The following PPP2R3A variants were observed in gnomAD, a reference collection of about 807,000 sequenced individuals.
PPP2R3A encodes the protein serine/threonine-protein phosphatase 2A regulatory subunit B'' subunit alpha.
A neutral mutation model predicts 106.9 loss-of-function variants in PPP2R3A; 80 were observed. The ratio of observed to expected loss-of-function variants is 0.75; its 90% CI spans 0.62 to 0.90. The LOEUF (loss-of-function observed/expected upper bound fraction) is 0.90. PPP2R3A is among the 40% of genes least tolerant of loss of function. The pLI, the probability that PPP2R3A is intolerant of heterozygous loss-of-function variation, is 0.00. For missense variants in PPP2R3A, 1,386 were observed against 1,350.4 expected, an observed-to-expected ratio of 1.03 and a Z score of -0.41; for synonymous variants, 483 against 468.3, an observed-to-expected ratio of 1.03 and a Z score of -0.41.
At chr3:136,022,291 T>TCATTATTTA in intron 2 of PPP2R3A, among the ~76,000 whole-genome samples, 1 of 152,134 alleles carries the variant, frequency 6.6e-6, no homozygotes, top group African/African-American at 2.4e-5. Context: ...AGAACAAATT[T>TCATTATTTA]TCAAATATGT....
chr3:135,990,879 G>T (rs1005358883), intron 1 of PPP2R3A, among the ~76,000 whole-genome samples: 1 of 151,746 alleles, frequency 6.6e-6, no homozygotes, highest in Admixed American at 6.6e-5. Context: ...GTCTCCTCTC[G>T]CAGCCACAAT....
rs1937514541 is a variant in PPP2R3A, at chr3:136,106,267, G to GA, written c.3275dup (p.Glu1093GlyfsTer3). 6.2e-7 allele frequency: 1 copy of GA among 1,612,786 alleles called. No homozygotes were observed. Among genetic ancestry groups the GA allele is most frequent in the South Asian group, 1.1e-5 (1 of 90,596 alleles). On this transcript the variant is annotated frameshift_variant, in exon 13 of 14. Transcript: ENST00000264977. LOFTEE classifies it high-confidence loss of function. ...CTCAGACTGGGACCGGTTTGCCGCT[G>GA]AGGAGTATGAGACGCTTGTTGCAGA...
chr3:135,975,834 T>A (rs80282694), intron 1 of PPP2R3A, among the ~76,000 whole-genome samples: 1,631 of 152,184 alleles, frequency 0.011, 34 homozygotes, highest in African/African-American at 0.038. Context: ...ATTACATATA[T>A]AAGATATATA....
At chr3:135,975,844 A>G (rs1247940456) in intron 1 of PPP2R3A, among the ~76,000 whole-genome samples, 1 of 152,106 alleles carries the variant, frequency 6.6e-6, no homozygotes, top group Non-Finnish European at 1.5e-5. Flanking sequence ...TAAGATATAT[A>G]TAATCTAATT....
intron 13 of PPP2R3A, among the ~76,000 whole-genome samples, chr3:136,127,948 C>G (rs1468032717): frequency 6.6e-6 from 1 of 152,286 alleles, no homozygotes; most frequent in Non-Finnish European, 1.5e-5. Context: ...AAATCCTTTA[C>G]AGCCAAGCAA....
At chr3:136,126,072 T>C (rs1938168924) in intron 13 of PPP2R3A, among the ~76,000 whole-genome samples, 1 of 152,156 alleles carries the variant, frequency 6.6e-6, no homozygotes, top group Non-Finnish European at 1.5e-5. Flanking sequence ...CCCAGCATGA[T>C]CGATGCAGAA....
chr3:136,133,438 T>A (rs1337527067), intron 13 of PPP2R3A, among the ~76,000 whole-genome samples: 1 of 152,168 alleles, frequency 6.6e-6, no homozygotes, highest in East Asian at 1.9e-4. Flanking sequence ...CTCAGTGAGA[T>A]ATACTACACA....
rs140954717 is a variant in PPP2R3A, at chr3:136,068,776, G to A, written c.2470-1702G>A. ...ATTAAGAGAAAATAGCAACTTTACA[G>A]TGGAGAACGCAGCAGACACCACTTG... On this transcript the variant is annotated intron_variant, in intron 5 of 13. Coordinates refer to ENST00000264977, the MANE Select transcript of PPP2R3A (RefSeq NM_002718.5). Among the ~76,000 whole-genome samples the A allele has an allele frequency of 4.7e-3, 712 of 150,718 alleles. 3 individuals carry two copies. Among genetic ancestry groups the A allele is most frequent in the African/African-American group, 0.01 (418 of 40,038 alleles).
chr3:136,134,067 A>T (rs1271453341), intron 13 of PPP2R3A, among the ~76,000 whole-genome samples: 3 of 152,184 alleles, frequency 2.0e-5, no homozygotes, highest in Admixed American at 6.5e-5. Context: ...ATAATATTCA[A>T]TAAATGTTTG....
chr3:136,066,542 C>T (rs1001283076), intron 5 of PPP2R3A, among the ~76,000 whole-genome samples: 1 of 152,162 alleles, frequency 6.6e-6, no homozygotes, highest in Admixed American at 6.5e-5. Flanking sequence ...GTTTAAGTGG[C>T]TTACAGTTCT....
intron 13 of PPP2R3A, among the ~76,000 whole-genome samples, chr3:136,114,979 C>G (rs1451368746): frequency 1.3e-5 from 2 of 152,200 alleles, no homozygotes; most frequent in East Asian, 3.9e-4. Context: ...TGGGAGACAC[C>G]TCCCAGTAGG....
At chr3:135,991,499 C>T (rs978852854) in intron 1 of PPP2R3A, among the ~76,000 whole-genome samples, 1 of 145,560 alleles carries the variant, frequency 6.9e-6, no homozygotes, top group Non-Finnish European at 1.5e-5. Flanking sequence ...CCAAATATTC[C>T]TTTTGGAGAT....
At chr3:136,091,876 A>C (rs1937100889) in intron 10 of PPP2R3A, among the ~76,000 whole-genome samples, 1 of 152,200 alleles carries the variant, frequency 6.6e-6, no homozygotes, top group Non-Finnish European at 1.5e-5. Context: ...CTTATCTGAA[A>C]TTCTTGAGAT....
intron 5 of PPP2R3A, among the ~76,000 whole-genome samples, chr3:136,054,973 T>C (rs1935812973): frequency 1.3e-5 from 2 of 152,206 alleles, no homozygotes; most frequent in Non-Finnish European, 2.9e-5. Context: ...AAAAATTTAA[T>C]CTGAAAATAG....
chr3:136,033,475 TTG>T (rs1934977318), intron 3 of PPP2R3A, among the ~76,000 whole-genome samples: 6 of 152,370 alleles, frequency 3.9e-5, no homozygotes, highest in Non-Finnish European at 7.3e-5. Context: ...CAATTCTTCT[TTG>T]AATGTCTGGT....
chr3:136,002,993 GA>G lies in PPP2R3A; in HGVS notation c.1496del (p.Asp499ValfsTer11). On this transcript the variant is annotated frameshift_variant, in exon 2 of 14. Transcript: ENST00000264977. LOFTEE classifies it high-confidence loss of function. ...TAAATTTGAAGAGGGAGACCAGAGAGATTTTACAAATTCCAGTAGCCAGGAA... is the reference window on the plus strand; with the variant it reads ...TAAATTTGAAGAGGGAGACCAGAGAGTTTTACAAATTCCAGTAGCCAGGAA... ...VSKFEEGDQR[D>X]FTNSSSQEEI... 1 of 1,613,630 alleles carries G rather than the reference GA, an allele frequency of 6.2e-7. No individual in the cohort carries two copies. The highest frequency in any genetic ancestry group is 8.5e-7 in the Non-Finnish European group (1 of 1,179,850).
intron 6 of PPP2R3A, among the ~76,000 whole-genome samples, chr3:136,076,946 CAGAA>C (rs1362832161): frequency 4.6e-5 from 6 of 130,210 alleles, no homozygotes; most frequent in African/African-American, 1.9e-4. Flanking sequence ...GACTCCGTCT[CAGAA>C]AGAAAAAAAA....
chr3:136,143,998 C>T (rs1408075182), intron 13 of PPP2R3A, among the ~76,000 whole-genome samples: 2 of 152,202 alleles, frequency 1.3e-5, no homozygotes, highest in Non-Finnish European at 2.9e-5. Context: ...ATAGACATTG[C>T]TGATGTACAT....
At chr3:136,136,407 T>C (rs1425211298) in intron 13 of PPP2R3A, among the ~76,000 whole-genome samples, 1 of 152,152 alleles carries the variant, frequency 6.6e-6, no homozygotes, top group African/African-American at 2.4e-5. Flanking sequence ...CTATCCCTTA[T>C]CTTGTTCCCT....
Sources: gnomAD v4.1 joint callset for allele counts (sites outside exome capture counted in the v4.1 genomes callset) on GRCh38, gnomAD v4.1.1 for gene constraint, MANE v1.5 for transcripts, NCBI Gene and HGNC (gene_info 2026-07-23, HGNC 2026-07-21) for gene names.